The following SLC38A4 variants were observed in gnomAD, a reference collection of about 807,000 sequenced individuals.
SLC38A4 encodes solute carrier family 38 member 4.
A neutral mutation model predicts 63.1 loss-of-function variants in SLC38A4; 20 were observed. That is an observed-to-expected ratio of 0.32 (90% confidence interval 0.22 to 0.46). The LOEUF (loss-of-function observed/expected upper bound fraction) is 0.46, where lower values mean the gene tolerates loss of function less well. Ranked by LOEUF, SLC38A4 falls within the 20% of genes least tolerant of loss-of-function variation. The pLI is 1.00. For synonymous variants in SLC38A4, 230 were observed against 225.5 expected, an observed-to-expected ratio of 1.02 and a Z score of -0.18; for missense variants, 526 against 663.6, an observed-to-expected ratio of 0.79 and a Z score of 2.28.
intron 1 of SLC38A4, among the ~76,000 whole-genome samples, chr12:46,807,898 C>T (rs533165564): frequency 6.7e-6 from 1 of 149,964 alleles, no homozygotes. Flanking sequence ...TACCCCCCCC[C>T]CCAAAGCCAC....
chr12:46,800,746 T>A (rs777168070), intron 2 of SLC38A4, among the ~76,000 whole-genome samples: 10 of 152,162 alleles, frequency 6.6e-5, no homozygotes, highest in Non-Finnish European at 1.5e-4. Flanking sequence ...GCTGGGGTTG[T>A]GGATTCTACA....
chr12:46,824,115 T>C (rs1275399694), intron 1 of SLC38A4, among the ~76,000 whole-genome samples: 2 of 152,186 alleles, frequency 1.3e-5, no homozygotes, highest in Non-Finnish European at 2.9e-5. Flanking sequence ...TTTCCAGCCA[T>C]GCCACTGTCC....
chr12:46,771,886 C>T (rs1033023137), intron 14 of SLC38A4, among the ~76,000 whole-genome samples: 1 of 152,110 alleles, frequency 6.6e-6, no homozygotes, highest in Admixed American at 6.6e-5. Context: ...TGACACAAGT[C>T]GCTAGGAACC....
chr12:46,816,582 T>C (rs987233750), intron 1 of SLC38A4, among the ~76,000 whole-genome samples: 2 of 151,910 alleles, frequency 1.3e-5, no homozygotes, highest in African/African-American at 4.8e-5. Flanking sequence ...TTAGGCCTTC[T>C]TTCGGCCTCA....
intron 1 of SLC38A4, among the ~76,000 whole-genome samples, chr12:46,823,005 T>C (rs527417072): frequency 1.3e-5 from 2 of 152,358 alleles, no homozygotes; most frequent in African/African-American, 4.8e-5. Context: ...GCATTTCTAT[T>C]TTACTTTTCT....
intron 3 of SLC38A4, among the ~76,000 whole-genome samples, chr12:46,789,520 C>T (rs1479881698): frequency 6.6e-6 from 1 of 152,096 alleles, no homozygotes; most frequent in African/African-American, 2.4e-5. Flanking sequence ...CTGGTCAGCT[C>T]CTGCAGTTAC....
intron 2 of SLC38A4, among the ~76,000 whole-genome samples, chr12:46,795,160 T>A (rs1938976716): frequency 6.6e-6 from 1 of 152,082 alleles, no homozygotes; most frequent in South Asian, 2.1e-4. Flanking sequence ...TTGACTTGGT[T>A]TACTGATTTT....
At chr12:46,801,309 G>C (rs1565673375) in intron 2 of SLC38A4, among the ~76,000 whole-genome samples, 2 of 152,018 alleles carry the variant, frequency 1.3e-5, no homozygotes, top group African/African-American at 2.4e-5. Context: ...GAAGTTCAGG[G>C]TGTAAGGGTG....
chr12:46,802,871 A>T (rs1265839926), intron 2 of SLC38A4, among the ~76,000 whole-genome samples: 1 of 152,032 alleles, frequency 6.6e-6, no homozygotes, highest in East Asian at 1.9e-4. Context: ...ACTTAAATCC[A>T]CTGGGAATTC....
chr12:46,794,531 C>CA (rs532953260), intron 2 of SLC38A4, among the ~76,000 whole-genome samples: 48 of 147,700 alleles, frequency 3.2e-4, no homozygotes, highest in African/African-American at 5.5e-4. Context: ...CAAAAAGAGT[C>CA]AAAAAAAGGA....
intron 2 of SLC38A4, among the ~76,000 whole-genome samples, chr12:46,797,777 C>T (rs7132006): frequency 0.64 from 97,377 of 151,972 alleles, 34,793 homozygotes; most frequent in Non-Finnish European, 0.8. Context: ...GTCCAGGGGC[C>T]TAAATGTCAT....
chr12:46,787,262 CT>C, intron 5 of SLC38A4, among the ~76,000 whole-genome samples: 1 of 152,292 alleles, frequency 6.6e-6, no homozygotes, highest in South Asian at 2.1e-4. Context: ...CTTTCTAGAG[CT>C]TATAGTCCAG....
intron 14 of SLC38A4, among the ~76,000 whole-genome samples, chr12:46,771,059 C>T (rs1220061381): frequency 6.6e-6 from 1 of 151,990 alleles, no homozygotes; most frequent in Non-Finnish European, 1.5e-5. Flanking sequence ...ACCAGATAGT[C>T]TCTGGAAATA....
rs550549370 is a variant in SLC38A4 at position 46,792,692 on chromosome 12, G to A, written c.119+261C>T. On this transcript the variant is annotated intron_variant, in intron 3 of 16. Transcript: ENST00000266579. ...AAGAGGAATCTGAGAAAGATAAGAG[G>A]AGCAATAGGCTAAAATAATTAAAAT... Among the ~76,000 whole-genome samples, 351 of 152,074 alleles carry A rather than the reference G, an allele frequency of 2.3e-3. 2 individuals carry two copies. The highest frequency in any genetic ancestry group is 4.8e-3 in the South Asian group (23 of 4,802).
intron 14 of SLC38A4, among the ~76,000 whole-genome samples, chr12:46,772,298 A>C (rs1214643122): frequency 1.3e-5 from 2 of 152,198 alleles, no homozygotes; most frequent in South Asian, 4.2e-4. Context: ...ACACTTCAAA[A>C]CAGGAGATCT....
At chr12:46,776,522 G>A (rs1228468652) in intron 13 of SLC38A4, among the ~76,000 whole-genome samples, 1 of 152,028 alleles carries the variant, frequency 6.6e-6, no homozygotes, top group Non-Finnish European at 1.5e-5. Flanking sequence ...CAGTTTCCCT[G>A]CTATTTGTGT....
At chr12:46,784,291 A>C (rs1322341639) in intron 7 of SLC38A4, among the ~76,000 whole-genome samples, 1 of 152,152 alleles carries the variant, frequency 6.6e-6, no homozygotes, top group East Asian at 1.9e-4. Flanking sequence ...AAAATCAAGA[A>C]AGCTTTTATT....
At chr12:46,771,710 A>C (rs924836710) in intron 14 of SLC38A4, among the ~76,000 whole-genome samples, 3 of 152,118 alleles carry the variant, frequency 2.0e-5, no homozygotes, top group Non-Finnish European at 4.4e-5. Flanking sequence ...GGAAAAGATC[A>C]GGAAGGAAAC....
At chr12:46,778,987 A>G (rs1217754596) in intron 10 of SLC38A4, among the ~76,000 whole-genome samples, 2 of 151,954 alleles carry the variant, frequency 1.3e-5, no homozygotes, top group Non-Finnish European at 2.9e-5. Context: ...TAGAGTTAAC[A>G]GGACAATATT....
Sources: allele counts gnomAD v4.1 joint callset (sites outside exome capture counted in the v4.1 genomes callset), GRCh38; gene constraint gnomAD v4.1.1; transcripts MANE v1.5; gene names NCBI Gene and HGNC (gene_info 2026-07-23, HGNC 2026-07-21).